The following SLC25A16 variants were observed in gnomAD, a reference collection of about 807,000 sequenced individuals.
The protein encoded by SLC25A16 is mitochondrial coenzyme A transporter SLC25A16.
Under a neutral mutation model 41.5 loss-of-function variants are expected in SLC25A16, and 39 were observed. That is an observed-to-expected ratio of 0.94 (90% CI 0.73 to 1.23). The LOEUF (loss-of-function observed/expected upper bound fraction) is 1.23. Ranked by LOEUF, SLC25A16 falls within the 50% of genes most tolerant of loss-of-function variation. SLC25A16 has a pLI of 0.00. For synonymous variants in SLC25A16, 146 were observed against 147.8 expected (o/e 0.99, Z 0.09); for missense variants, 421 against 426.9 (o/e 0.99, Z 0.12).
chr10:68,517,071 C>G (rs752807494), intron 1 of SLC25A16: 1 of 1,212,048 alleles, frequency 8.3e-7, no homozygotes, highest in Non-Finnish European at 1.0e-6. Flanking sequence ...TAGTGTAAAT[C>G]GTCATCTAAT....
Position 68,527,329 on chromosome 10 carries a change from G to A in SLC25A16, c.47C>T (p.Pro16Leu). The change falls in exon 1 of 9, where the codon CCT becomes CTT. Residue 16 changes from proline (P) to leucine (L), a missense_variant. By Grantham distance (98) the Pro-to-Leu change is moderately conservative (BLOSUM62 -3). Transcript: ENST00000609923. ...AAAALAAADP[P>L]PAMPQAAGAG... Reference sequence around the variant, plus strand: ...CCCTGCCGCCTGCGGCATTGCGGGAGGGGGATCGGCCGCCGCCAGGGCTGC... The same window carrying A: ...CCCTGCCGCCTGCGGCATTGCGGGAAGGGGATCGGCCGCCGCCAGGGCTGC... The A allele has an allele frequency of 3.2e-6, 5 of 1,538,518 alleles. No homozygotes were observed. Among genetic ancestry groups the A allele is most frequent in the Non-Finnish European group, 4.4e-6 (5 of 1,142,862 alleles).
chr10:68,525,994 C>T (rs563227612), intron 1 of SLC25A16, among the ~76,000 whole-genome samples: 15 of 151,942 alleles, frequency 9.9e-5, no homozygotes, highest in African/African-American at 3.6e-4. Flanking sequence ...CCTAGGAAAG[C>T]CAGGTATTGT....
At chr10:68,488,895 C>A (rs753911597) in intron 6 of SLC25A16, among the ~76,000 whole-genome samples, 25 of 151,974 alleles carry the variant, frequency 1.6e-4, no homozygotes, top group Non-Finnish European at 3.2e-4. Context: ...GGAAAAAAAA[C>A]AAAGTTTTCC....
In SLC25A16 at chr10:68,478,513, T is replaced by A. The variant is rs1024260079; in HGVS notation, c.*4919A>T. The A allele has an allele frequency of 1.3e-5, 2 of 151,852 alleles. No homozygotes were observed. The highest frequency in any genetic ancestry group is 2.9e-5 in the Non-Finnish European group (2 of 67,982). 9.4% of individuals were successfully genotyped at this position (151,852 alleles called of 1,614,324 possible). A position where few individuals can be genotyped will look rare whatever the true frequency, so the allele number is the denominator to read the frequency against. ...GGGAATAATCCTTGGGGAAAAAAAA[T>A]AAATAATTATACATAGGGTTTTTTA... On this transcript the variant is annotated 3_prime_UTR_variant, in exon 9 of 9. Coordinates refer to ENST00000609923, the MANE Select transcript of SLC25A16 (RefSeq NM_152707.4).
intron 2 of SLC25A16, among the ~76,000 whole-genome samples, chr10:68,507,958 T>C (rs1190103388): frequency 1.3e-5 from 2 of 152,150 alleles, no homozygotes; most frequent in Admixed American, 6.6e-5. Context: ...TGGCCTTGCG[T>C]GGTGGCTCAT....
chr10:68,511,491 C>G (rs757239886), intron 2 of SLC25A16, among the ~76,000 whole-genome samples: 2 of 152,062 alleles, frequency 1.3e-5, no homozygotes, highest in Non-Finnish European at 2.9e-5. Context: ...GATTGCAAAT[C>G]AGGAAACAAA....
chr10:68,497,029 G>A (rs990979815), intron 4 of SLC25A16, among the ~76,000 whole-genome samples: 2 of 152,132 alleles, frequency 1.3e-5, no homozygotes, highest in South Asian at 2.1e-4. Context: ...GTAAAGGGAA[G>A]GAAGAAATTA....
At position 68,527,322 on chromosome 10, in the gene SLC25A16, T is replaced by C. The variant is rs748993138; in HGVS notation, c.54A>G (p.Ala18=). Residue 18 remains alanine (A), a synonymous_variant, in exon 1 of 9, where the codon GCA becomes GCG. Transcript: ENST00000609923. The part of the protein sequence containing the change: ...AALAAADPPP[A]MPQAAGAGGP... ...CTCCGGCCCCTGCCGCCTGCGGCAT[T>C]GCGGGAGGGGGATCGGCCGCCGCCA... 6.7e-5 allele frequency: 103 copies of C among 1,540,926 alleles called. No individual in the cohort carries two copies. The highest frequency in any genetic ancestry group is 8.9e-5 in the Non-Finnish European group (102 of 1,143,700).
intron 4 of SLC25A16, among the ~76,000 whole-genome samples, chr10:68,497,692 T>C (rs1169134846): frequency 6.6e-6 from 1 of 151,428 alleles, no homozygotes; most frequent in African/African-American, 2.4e-5. Context: ...TCTCAGCTCA[T>C]TGAAACCTCC....
intron 6 of SLC25A16, among the ~76,000 whole-genome samples, chr10:68,489,289 A>G (rs2052618027): frequency 6.6e-6 from 1 of 152,132 alleles, no homozygotes; most frequent in Non-Finnish European, 1.5e-5. Flanking sequence ...ACAAAACAAA[A>G]CAAAAAAACA....
chr10:68,512,114 C>A (rs1217120337), intron 2 of SLC25A16, among the ~76,000 whole-genome samples: 3 of 152,030 alleles, frequency 2.0e-5, no homozygotes, highest in African/African-American at 7.2e-5. Flanking sequence ...GAGCAATAAA[C>A]TGTGTGAGGA....
chr10:68,522,295 T>C (rs1401237367), intron 1 of SLC25A16, among the ~76,000 whole-genome samples: 1 of 152,122 alleles, frequency 6.6e-6, no homozygotes, highest in African/African-American at 2.4e-5. Context: ...CCGATTTATA[T>C]AATATTCTGG....
chr10:68,494,711 T>C lies in SLC25A16; in HGVS notation c.422-1141A>G, dbSNP rs553179341. On this transcript the variant is annotated intron_variant, in intron 4 of 8. Coordinates refer to ENST00000609923, the MANE Select transcript of SLC25A16 (RefSeq NM_152707.4). Reference sequence around the variant, plus strand: ...GGCCAACATGGTGAAACCCCATCTCTACTAAAAATAAAAAAATTAGCTGGG... The same window carrying C: ...GGCCAACATGGTGAAACCCCATCTCCACTAAAAATAAAAAAATTAGCTGGG... 1.8e-3 allele frequency among the ~76,000 whole-genome samples: 255 copies of C among 138,742 alleles called. 2 individuals are homozygous for C. The highest frequency in any genetic ancestry group is 3.4e-3 in the Non-Finnish European group (208 of 60,560). 91.0% of individuals were successfully genotyped at this position (138,742 alleles called of 152,430 possible).
At chr10:68,505,928 G>A (rs2052945538) in intron 3 of SLC25A16, among the ~76,000 whole-genome samples, 1 of 152,040 alleles carries the variant, frequency 6.6e-6, no homozygotes, top group Non-Finnish European at 1.5e-5. Flanking sequence ...AGCTACTCAG[G>A]AGGCTGAGGC....
intron 3 of SLC25A16, among the ~76,000 whole-genome samples, chr10:68,504,629 G>A (rs746745499): frequency 1.3e-5 from 2 of 149,982 alleles, no homozygotes; most frequent in Non-Finnish European, 3.0e-5. Context: ...CGCCCGCCTC[G>A]GCATCCCAAA....
intron 6 of SLC25A16, 136 bp from the exon 7 acceptor site, chr10:68,488,765 T>A (rs969240861): frequency 6.8e-5 from 49 of 715,404 alleles, no homozygotes; most frequent in Non-Finnish European, 9.6e-5. Context: ...TTTGTGTACA[T>A]AAATAACCTA....
chr10:68,520,538 G>A (rs747235086), intron 1 of SLC25A16, among the ~76,000 whole-genome samples: 6 of 151,804 alleles, frequency 4.0e-5, no homozygotes, highest in Non-Finnish European at 7.4e-5. Context: ...TAGGCCAGGC[G>A]CAGTGGCCCA....
At chr10:68,523,672 G>A (rs1376620776) in intron 1 of SLC25A16, among the ~76,000 whole-genome samples, 2 of 151,954 alleles carry the variant, frequency 1.3e-5, no homozygotes, top group African/African-American at 4.8e-5. Flanking sequence ...ATGGGGTTTC[G>A]CCATGTTGGC....
chr10:68,498,207 T>A (rs867538451), intron 4 of SLC25A16, among the ~76,000 whole-genome samples: 7 of 152,194 alleles, frequency 4.6e-5, no homozygotes, highest in Non-Finnish European at 1.0e-4. Flanking sequence ...TTTTCAAAAA[T>A]TCAAGAGTTG....
Sources: gnomAD v4.1 joint callset for allele counts (sites outside exome capture counted in the v4.1 genomes callset) on GRCh38, gnomAD v4.1.1 for gene constraint, MANE v1.5 for transcripts, NCBI Gene and HGNC (gene_info 2026-07-23, HGNC 2026-07-21) for gene names.